Variants in LVRN observed in about 807,000 individuals in gnomAD.
The protein encoded by LVRN is laeverin, also known as aminopeptidase Q.
A neutral mutation model predicts 111.4 loss-of-function variants in LVRN; 99 were observed. The ratio of observed to expected loss-of-function variants is 0.89; its 90% confidence interval spans 0.76 to 1.05. LVRN has a LOEUF of 1.05. LVRN is among the 50% of genes least tolerant of loss of function. The pLI is 0.00. For missense variants in LVRN, 1,414 were observed against 1,206.8 expected (o/e 1.17, Z -2.54); for synonymous variants, 488 against 449.5 (o/e 1.09, Z -1.08).
At chr5:115,971,541 A>T (rs1053488538) in intron 1 of LVRN, among the ~76,000 whole-genome samples, 2 of 152,116 alleles carry the variant, frequency 1.3e-5, no homozygotes, top group Non-Finnish European at 2.9e-5. Flanking sequence ...ATGGACATTC[A>T]ACTGTACCAC....
intron 14 of LVRN, 147 bp downstream of exon 14, chr5:116,011,041 T>TGTTATTTTTCATAGTAGTTATG: frequency 4.1e-6 from 1 of 242,662 alleles, no homozygotes; most frequent in Non-Finnish European, 7.2e-6. Context: ...GTATATACAT[T>TGTTATTTTTCATAGTAGTTATG]TCCTTAACAA....
At chr5:116,016,662 C>A (rs545797828) in intron 18 of LVRN, among the ~76,000 whole-genome samples, 1 of 152,304 alleles carries the variant, frequency 6.6e-6, no homozygotes, top group African/African-American at 2.4e-5. Context: ...ATAAAGTCTA[C>A]AAGAAGCCCT....
chr5:116,025,598 C>A (rs1748846305), intron 19 of LVRN, among the ~76,000 whole-genome samples: 1 of 152,138 alleles, frequency 6.6e-6, no homozygotes, highest in Admixed American at 6.5e-5. Flanking sequence ...CAATTTTGAG[C>A]TTCGGAAGTT....
chr5:116,004,556 G>A (rs943549460), intron 12 of LVRN, among the ~76,000 whole-genome samples: 4 of 152,140 alleles, frequency 2.6e-5, no homozygotes, highest in Non-Finnish European at 5.9e-5. Context: ...TTCCTGTTTT[G>A]TTCATTGTTT....
At chr5:116,018,251 G>A (rs753456125) in intron 18 of LVRN, among the ~76,000 whole-genome samples, 8 of 152,082 alleles carry the variant, frequency 5.3e-5, no homozygotes, top group African/African-American at 1.4e-4. Flanking sequence ...AATTAAACCC[G>A]TATCCCCTGG....
chr5:116,013,953 A>G (rs1748543543), intron 15 of LVRN, among the ~76,000 whole-genome samples: 1 of 152,242 alleles, frequency 6.6e-6, no homozygotes, highest in African/African-American at 2.4e-5. Flanking sequence ...ACACTAAAGC[A>G]AAAGAAAACA....
At chr5:115,984,386 G>A (rs548844939) in intron 2 of LVRN, among the ~76,000 whole-genome samples, 184 bp from the exon 3 acceptor site, 1 of 152,238 alleles carries the variant, frequency 6.6e-6, no homozygotes, top group South Asian at 2.1e-4. Context: ...GGCCCAAGAT[G>A]CTGTTCTGAG....
At chr5:116,025,940 T>C in intron 19 of LVRN, 38 bp from the exon 20 acceptor site, 1 of 1,603,404 alleles carries the variant, frequency 6.2e-7, no homozygotes, top group South Asian at 1.1e-5. Context: ...AAATGGGAAG[T>C]TGGATTGCAC....
At chr5:116,019,786 A>T (rs1748675507) in intron 18 of LVRN, 1 of 152,282 alleles carries the variant, frequency 6.6e-6, no homozygotes, top group Non-Finnish European at 1.5e-5. Context: ...GGTGAGAGAC[A>T]GACTGGCAGA....
Position 116,004,586 on chromosome 5 carries a change from C to T in LVRN, c.2037+1206C>T, listed in dbSNP as rs150882774. The stretch of plus-strand genomic sequence containing the variant: ...TTGTTTGCCAGATGTATGGCACATT[C>T]GAGCCAAATCTCCCCTTTCTAAGAA... On this transcript the variant is annotated intron_variant, in intron 12 of 19. Coordinates refer to ENST00000357872, the MANE Select transcript of LVRN (RefSeq NM_173800.5). Among the ~76,000 whole-genome samples, 658 of 152,202 alleles carry T rather than the reference C, an allele frequency of 4.3e-3. 3 individuals carry two copies. Among genetic ancestry groups the T allele is most frequent in the Middle Eastern group, 6.8e-3 (2 of 292 alleles).
intron 13 of LVRN, among the ~76,000 whole-genome samples, chr5:116,007,659 G>A (rs1485073571): frequency 6.6e-6 from 1 of 152,134 alleles, no homozygotes; most frequent in African/African-American, 2.4e-5. Flanking sequence ...AGTGTCATAT[G>A]TACTACAGGC....
At chr5:116,014,346 A>G (rs1748554074) in intron 15 of LVRN, 74 bp from the exon 16 acceptor site, 2 of 1,036,090 alleles carry the variant, frequency 1.9e-6, no homozygotes, top group Non-Finnish European at 2.9e-6. Context: ...TTTATGAAAC[A>G]CATATTCTTG....
chr5:115,994,887 C>T (rs1228059853), intron 6 of LVRN, among the ~76,000 whole-genome samples: 2 of 152,142 alleles, frequency 1.3e-5, no homozygotes, highest in African/African-American at 4.8e-5. Context: ...CTGTTATAAA[C>T]CAGAGGTTCT....
intron 6 of LVRN, among the ~76,000 whole-genome samples, chr5:115,998,570 A>G (rs966540536): frequency 6.6e-6 from 1 of 152,162 alleles, no homozygotes; most frequent in Non-Finnish European, 1.5e-5. Context: ...CCAGTGAGAC[A>G]CTCTCAAGAA....
chr5:116,023,278 A>G (rs1748795146), intron 19 of LVRN: 1 of 152,202 alleles, frequency 6.6e-6, no homozygotes, highest in South Asian at 2.1e-4. Context: ...CTGAGATAAT[A>G]TCTTAGTTTT....
At chr5:115,997,203 G>T (rs1392017097) in intron 6 of LVRN, among the ~76,000 whole-genome samples, 1 of 152,122 alleles carries the variant, frequency 6.6e-6, no homozygotes. Context: ...GACGGCAACT[G>T]AGTTTCAGAG....
At chr5:115,982,297 CA>C (rs1224857371) in intron 1 of LVRN, among the ~76,000 whole-genome samples, 1 of 152,084 alleles carries the variant, frequency 6.6e-6, no homozygotes, top group African/African-American at 2.4e-5. Context: ...GGAGGGATCA[CA>C]AGGGTAAGTA....
At chr5:115,966,474 T>C (rs1340479499) in intron 1 of LVRN, among the ~76,000 whole-genome samples, 2 of 152,224 alleles carry the variant, frequency 1.3e-5, no homozygotes, top group Non-Finnish European at 2.9e-5. Flanking sequence ...TTGTTTCCAG[T>C]TTTTGGTTTT....
At chr5:116,000,988 G>T in intron 9 of LVRN, 79 bp from the exon 10 acceptor site, 1 of 1,463,882 alleles carries the variant, frequency 6.8e-7, no homozygotes, top group Non-Finnish European at 9.2e-7. Context: ...AATAGCTACC[G>T]AGTTTCTTTT....
Sources: allele counts gnomAD v4.1 joint callset (sites outside exome capture counted in the v4.1 genomes callset), GRCh38; gene constraint gnomAD v4.1.1; transcripts MANE v1.5; gene names NCBI Gene and HGNC (gene_info 2026-07-23, HGNC 2026-07-21).